The following NPHP4 variants were observed in gnomAD, a reference collection of about 807,000 sequenced individuals.
The protein encoded by NPHP4 is nephrocystin 4.
Under a neutral mutation model 155.8 loss-of-function variants are expected in NPHP4, and 151 were observed. The observed-to-expected ratio is 0.97, with a 90% CI of 0.85 to 1.11. NPHP4 has a LOEUF of 1.11. Among genes scored for constraint, NPHP4 ranks in the 50% least tolerant of loss-of-function variants. The pLI is 0.00. For missense variants in NPHP4, 1,956 were observed against 1,925.7 expected (o/e 1.02, Z -0.29); for synonymous variants, 845 against 816.8 (o/e 1.03, Z -0.59).
chr1:5,958,031 G>C (rs1557833772), intron 6 of NPHP4, among the ~76,000 whole-genome samples: 1 of 152,236 alleles, frequency 6.6e-6, no homozygotes, highest in Non-Finnish European at 1.5e-5. Flanking sequence ...GAATAAATCA[G>C]TGAATAAATG....
At chr1:5,919,746 T>C (rs1030551370) in intron 11 of NPHP4, among the ~76,000 whole-genome samples, 12 of 144,348 alleles carry the variant, frequency 8.3e-5, no homozygotes, top group African/African-American at 1.8e-4. Flanking sequence ...GTTTTTTTTG[T>C]TTTTTTTTTT....
intron 18 of NPHP4, among the ~76,000 whole-genome samples, chr1:5,884,226 C>T (rs773644872): frequency 1.3e-5 from 2 of 152,178 alleles, no homozygotes; most frequent in African/African-American, 2.4e-5. Context: ...ACAGGGCTCC[C>T]GATGCAGCCC....
At chr1:5,930,211 C>T (rs1646204750) in intron 10 of NPHP4, among the ~76,000 whole-genome samples, 1 of 152,140 alleles carries the variant, frequency 6.6e-6, no homozygotes, top group Non-Finnish European at 1.5e-5. Context: ...GCTAGAAGTT[C>T]ATCAGTTTTA....
intron 9 of NPHP4, among the ~76,000 whole-genome samples, chr1:5,943,687 G>A (rs1646940912): frequency 6.6e-6 from 1 of 152,198 alleles, no homozygotes; most frequent in Non-Finnish European, 1.5e-5. Flanking sequence ...ACTTTCCAGG[G>A]AAAAGCACAT....
At position 5,949,082 on chromosome 1, in the gene NPHP4, C is replaced by T. The variant is rs145021148; in HGVS notation, c.811-831G>A. ...TGAGTATCTGCCAGTTGGATTGGAA[C>T]AAAAATACAAAGATAGTAAAAATAC... is the stretch of plus-strand genomic sequence containing the variant. On this transcript the variant is annotated intron_variant, in intron 7 of 29. Coordinates refer to ENST00000378156, the MANE Select transcript of NPHP4 (RefSeq NM_015102.5). Among the ~76,000 whole-genome samples, 12 of 151,712 alleles carry T rather than the reference C, an allele frequency of 7.9e-5. No homozygotes were observed. The East Asian group carries it at 2.1e-3, about 27-fold the overall frequency.
intron 10 of NPHP4, among the ~76,000 whole-genome samples, chr1:5,932,281 T>C (rs558677020): frequency 1.3e-5 from 2 of 152,340 alleles, no homozygotes; most frequent in Admixed American, 6.5e-5. Context: ...AAGAGTACCA[T>C]GCAATGCTAT....
chr1:5,907,135 GAGA>G lies in NPHP4; in HGVS notation c.1588_1590del (p.Ser530del), dbSNP rs1644946083. 2 of 1,559,196 alleles carry G rather than the reference GAGA, an allele frequency of 1.3e-6. No homozygotes were observed. Among genetic ancestry groups the G allele is most frequent in the Non-Finnish European group, 1.7e-6 (2 of 1,149,182 alleles). ...CTTACTGCCTGGGCCGGGGAGGCCT[GAGA>G]GCCATGGGGTAGCTGTGAAGTAGGC... On this transcript the variant is annotated inframe_deletion, in exon 13 of 30. Transcript: ENST00000378156.
Position 5,892,592 on chromosome 1 carries a change from C to T in NPHP4, c.2144-1564G>A, listed in dbSNP as rs752532847. Among the ~76,000 whole-genome samples the T allele has an allele frequency of 6.6e-6, 1 of 152,056 alleles. No homozygotes were observed. Among genetic ancestry groups the T allele is most frequent in the African/African-American group, 2.4e-5 (1 of 41,388 alleles). On this transcript the variant is annotated intron_variant, in intron 16 of 29. Coordinates refer to ENST00000378156, the MANE Select transcript of NPHP4 (RefSeq NM_015102.5). This position sits in a 1 kb window ranked among gnomAD's most constrained non-coding sequence, Gnocchi z 4.5. ...TAGTGGTGACAGAATGGGGGCCGGT[C>T]CAGCGGGGCACTGGAAGGAGCTCCC...
chr1:5,952,758 G>T lies in NPHP4; in HGVS notation c.752C>A (p.Ser251Tyr). The change falls in exon 7 of 30, where the codon TCC (serine) becomes TAC (tyrosine). Residue 251 changes from serine to tyrosine, a missense_variant. Physicochemically the swap from Ser to Tyr is moderately radical, Grantham distance 144. Coordinates refer to ENST00000378156, the MANE Select transcript of NPHP4 (RefSeq NM_015102.5). ...LDDLFFTLYP[S>Y]LEKFEEELLE... is the part of the protein sequence containing the mutation. ...CAGCTCTTCCTCAAACTTCTCCAGGGAGGGGTACAGGGTGAAGAATAAGTC... is the reference window on the plus strand; with the variant it reads ...CAGCTCTTCCTCAAACTTCTCCAGGTAGGGGTACAGGGTGAAGAATAAGTC... 1 of 1,576,034 alleles carries T rather than the reference G, an allele frequency of 6.3e-7. No homozygotes were observed. The highest frequency in any genetic ancestry group is 1.8e-5 in the Admixed American group (1 of 54,314).
Position 5,863,875 on chromosome 1 carries a change from A to G in NPHP4, c.4140+15T>C. On this transcript the variant is annotated intron_variant, in intron 29 of 29. Transcript: ENST00000378156. ...GGGTCTTCCCCTAGGAGTCCCAGGCACAGCCCCACCACACCTGGAAGGAGT... is the reference window on the plus strand; with the variant it reads ...GGGTCTTCCCCTAGGAGTCCCAGGCGCAGCCCCACCACACCTGGAAGGAGT... The G allele has an allele frequency of 6.2e-7, 1 of 1,613,514 alleles. No homozygotes were observed. The highest frequency in any genetic ancestry group is 8.5e-7 in the Non-Finnish European group (1 of 1,179,744).
At chr1:5,990,269 G>A (rs529473876) in intron 1 of NPHP4, among the ~76,000 whole-genome samples, 7 of 152,178 alleles carry the variant, frequency 4.6e-5, no homozygotes, top group Non-Finnish European at 5.9e-5. Flanking sequence ...GTAGTCCTGC[G>A]AGACTGTGAG....
intron 23 of NPHP4, chr1:5,868,444 G>T: frequency 4.3e-6 from 1 of 232,602 alleles, no homozygotes. Flanking sequence ...GTCTGAAGAG[G>T]TATTAATTGG....
At chr1:5,951,098 A>G (rs1647906837) in intron 7 of NPHP4, among the ~76,000 whole-genome samples, 3 of 152,218 alleles carry the variant, frequency 2.0e-5, no homozygotes, top group Non-Finnish European at 4.4e-5. Flanking sequence ...TAGGCGGTAG[A>G]ACCAGAACAG....
intron 9 of NPHP4, among the ~76,000 whole-genome samples, chr1:5,945,889 T>C (rs57392684): frequency 6.7e-6 from 1 of 150,048 alleles, no homozygotes. Context: ...GCAGTGTGAT[T>C]AGATCTGGCA....
At position 5,910,946 on chromosome 1, in the gene NPHP4, CTCCCAG is replaced by C. The variant is rs147524207; in HGVS notation, c.1442-1739_1442-1734del. Among the ~76,000 whole-genome samples the C allele has an allele frequency of 2.6e-5, 4 of 152,372 alleles. No individual in the cohort carries two copies. The highest frequency in any genetic ancestry group is 9.6e-5 in the African/African-American group (4 of 41,596). On this transcript the variant is annotated intron_variant, in intron 11 of 29. Transcript: ENST00000378156. This position sits in a 1 kb window ranked among gnomAD's most constrained non-coding sequence, Gnocchi z 5.4. ...CAACTGCCCAGCCTGGCGGGCACAG[CTCCCAG>C]TCCAACTACCTCCTGGGCAGCGCCC...
At chr1:5,952,386 G>A (rs1172922195) in intron 7 of NPHP4, among the ~76,000 whole-genome samples, 1 of 152,228 alleles carries the variant, frequency 6.6e-6, no homozygotes, top group African/African-American at 2.4e-5. Context: ...CAGGCCAACA[G>A]CACCTTCATC....
chr1:5,914,286 A>AAAAAAAAAAG (rs70977991), intron 11 of NPHP4, among the ~76,000 whole-genome samples: 39 of 139,914 alleles, frequency 2.8e-4, no homozygotes, highest in African/African-American at 1.1e-3. Flanking sequence ...AAAAAAAAAA[A>AAAAAAAAAAG]GGCCTGGTGT....
At chr1:5,963,781 G>A (rs937767474) in intron 5 of NPHP4, among the ~76,000 whole-genome samples, 1 of 149,344 alleles carries the variant, frequency 6.7e-6, no homozygotes, top group Non-Finnish European at 1.5e-5. Flanking sequence ...TCCGCCTCCC[G>A]AGTTCAAGCA....
intron 11 of NPHP4, among the ~76,000 whole-genome samples, chr1:5,920,550 T>C (rs1645691832): frequency 6.6e-6 from 1 of 152,146 alleles, no homozygotes; most frequent in Non-Finnish European, 1.5e-5. Flanking sequence ...GGGGACAACG[T>C]TAATGATCGC....
Sources: allele counts gnomAD v4.1 joint callset (sites outside exome capture counted in the v4.1 genomes callset), GRCh38; gene constraint gnomAD v4.1.1; non-coding constraint Gnocchi (gnomAD v3.1); transcripts MANE v1.5; gene names NCBI Gene and HGNC (gene_info 2026-07-23, HGNC 2026-07-21).